Variants in MMRN1 observed in about 807,000 individuals in gnomAD.
The protein encoded by MMRN1 is multimerin 1.
In MMRN1, 94 loss-of-function variants were observed where a neutral mutation model predicts 100.7. That is an observed-to-expected ratio of 0.93 (90% confidence interval 0.79 to 1.11). The LOEUF is 1.11. Among genes scored for constraint, MMRN1 ranks in the 50% least tolerant of loss-of-function variants. MMRN1 has a pLI of 0.00. For synonymous variants in MMRN1, 575 were observed against 505.0 expected (o/e 1.14, Z -1.86); for missense variants, 1,606 against 1,439.1 (o/e 1.12, Z -1.88).
At chr4:89,905,152 T>C (rs951651742) in intron 1 of MMRN1, among the ~76,000 whole-genome samples, 9 of 151,570 alleles carry the variant, frequency 5.9e-5, no homozygotes, top group Admixed American at 4.6e-4. Context: ...TTCCCACTTA[T>C]CACTGAATTG....
intron 3 of MMRN1, among the ~76,000 whole-genome samples, chr4:89,915,655 C>A (rs895874855): frequency 6.6e-6 from 1 of 151,474 alleles, no homozygotes; most frequent in African/African-American, 2.4e-5. Context: ...CACTTGCTGA[C>A]CTTGCTTCTC....
chr4:89,896,680 C>T (rs1215967983), intron 1 of MMRN1, among the ~76,000 whole-genome samples: 1 of 152,084 alleles, frequency 6.6e-6, no homozygotes, highest in Non-Finnish European at 1.5e-5. Context: ...GAAGTTGACA[C>T]ACCTGCTATG....
At chr4:89,919,349 A>C (rs890778139) in intron 3 of MMRN1, among the ~76,000 whole-genome samples, 2 of 151,480 alleles carry the variant, frequency 1.3e-5, no homozygotes, top group African/African-American at 4.8e-5. Context: ...ATTTCATAAC[A>C]TTTTTTAATA....
At chr4:89,929,831 G>A (rs984842285) in intron 5 of MMRN1, among the ~76,000 whole-genome samples, 3 of 152,118 alleles carry the variant, frequency 2.0e-5, no homozygotes, top group African/African-American at 7.2e-5. Flanking sequence ...CTTGCCTAGC[G>A]AAACCACAGC....
At chr4:89,898,282 A>C (rs1328065308) in intron 1 of MMRN1, among the ~76,000 whole-genome samples, 1 of 152,082 alleles carries the variant, frequency 6.6e-6, no homozygotes, top group African/African-American at 2.4e-5. Flanking sequence ...TCATTTAATC[A>C]TTACTATAAC....
intron 1 of MMRN1, among the ~76,000 whole-genome samples, chr4:89,887,529 A>T (rs985239996): frequency 2.0e-4 from 31 of 152,054 alleles, no homozygotes; most frequent in Non-Finnish European, 1.6e-4. Flanking sequence ...ACATATTTTG[A>T]AACACTACTA....
chr4:89,921,848 G>A (rs1209619270), intron 3 of MMRN1, among the ~76,000 whole-genome samples: 1 of 152,120 alleles, frequency 6.6e-6, no homozygotes, highest in Non-Finnish European at 1.5e-5. Flanking sequence ...TTCCTGTGGA[G>A]TAGAGAAGCT....
rs1264410607 is a variant in MMRN1 at position 89,944,033 on chromosome 4, CTGTTA to C, written c.3118+7237_3118+7241del. 2.0e-5 allele frequency among the ~76,000 whole-genome samples: 3 copies of C among 151,632 alleles called. No individual in the cohort carries two copies. The East Asian group carries it at 5.8e-4, about 29-fold the overall frequency. On this transcript the variant is annotated intron_variant, in intron 6 of 7. Coordinates refer to ENST00000264790, the MANE Select transcript of MMRN1 (RefSeq NM_007351.3). ...TATACCTATAGAGCAGTGCAATGTT[CTGTTA>C]TATTTTATACTTTTTTTGATATTTT...
chr4:89,899,543 T>C (rs748072537), intron 1 of MMRN1, among the ~76,000 whole-genome samples: 123 of 152,142 alleles, frequency 8.1e-4, no homozygotes, highest in Middle Eastern at 3.4e-3. Context: ...TAGTGTATAA[T>C]GGGGGGAATG....
intron 6 of MMRN1, among the ~76,000 whole-genome samples, chr4:89,942,750 C>T (rs1722873130): frequency 6.6e-6 from 1 of 151,628 alleles, no homozygotes; most frequent in Non-Finnish European, 1.5e-5. Context: ...ATCAAATTAC[C>T]AGTAAAATTA....
At chr4:89,923,065 G>A in intron 3 of MMRN1, 103 bp from the exon 4 acceptor site, 1 of 911,144 alleles carries the variant, frequency 1.1e-6, no homozygotes. Context: ...TCATGCTTCA[G>A]TACGCGGGAA....
chr4:89,894,449 G>T (rs1000344797), upstream of MMRN1, among the ~76,000 whole-genome samples: 9 of 152,102 alleles, frequency 5.9e-5, no homozygotes, highest in African/African-American at 2.2e-4. Context: ...TATGCATGTG[G>T]ATATACACTT....
chr4:89,883,910 T>C (rs1720875487), intron 1 of MMRN1, among the ~76,000 whole-genome samples: 1 of 152,114 alleles, frequency 6.6e-6, no homozygotes, highest in African/African-American at 2.4e-5. Context: ...CTCAAATTAA[T>C]TTTTGGATTT....
upstream of MMRN1, among the ~76,000 whole-genome samples, chr4:89,891,145 G>C (rs1031157807): frequency 6.6e-6 from 1 of 152,006 alleles, no homozygotes; most frequent in Non-Finnish European, 1.5e-5. Flanking sequence ...AGATAATATA[G>C]AAACAATGGG....
upstream of MMRN1, among the ~76,000 whole-genome samples, chr4:89,891,681 AATATTTTTCAAACACCATTAAATT>A (rs545037609): frequency 7.7e-3 from 1,165 of 152,156 alleles, 18 homozygotes; most frequent in African/African-American, 0.026. Context: ...ACAGGTTTTC[AATATTTTTCAAACACCATTAAATT>A]GAAAAAGCTC....
At chr4:89,927,148 AT>A (rs201261430) in intron 4 of MMRN1, among the ~76,000 whole-genome samples, 6,688 of 144,704 alleles carry the variant, frequency 0.046, 434 homozygotes, top group African/African-American at 0.15. Context: ...AAATTTTAGG[AT>A]TTTTTTTTTT....
At chr4:89,886,226 C>T (rs1473824575) in intron 1 of MMRN1, among the ~76,000 whole-genome samples, 1 of 151,784 alleles carries the variant, frequency 6.6e-6, no homozygotes, top group Non-Finnish European at 1.5e-5. Flanking sequence ...TTTCAAGTGA[C>T]AAAATTGCAC....
chr4:89,887,847 T>A (rs1444469867), intron 1 of MMRN1, among the ~76,000 whole-genome samples: 1 of 151,940 alleles, frequency 6.6e-6, no homozygotes, highest in Non-Finnish European at 1.5e-5. Flanking sequence ...AATCTCACCA[T>A]ACATTATTGC....
upstream of MMRN1, among the ~76,000 whole-genome samples, chr4:89,890,351 T>C (rs146830655): frequency 2.0e-3 from 301 of 152,164 alleles, 1 homozygote; most frequent in African/African-American, 7.0e-3. Context: ...AGAGCTTTTA[T>C]TGGGGCTTTT....
Sources: allele counts gnomAD v4.1 joint callset (sites outside exome capture counted in the v4.1 genomes callset), GRCh38; gene constraint gnomAD v4.1.1; transcripts MANE v1.5; gene names NCBI Gene and HGNC (gene_info 2026-07-23, HGNC 2026-07-21).